SERINC5: variants seen among roughly 807,000 people sequenced by gnomAD.
SERINC5 encodes the protein chromosome 5 open reading frame 12.
A neutral mutation model predicts 63.1 loss-of-function variants in SERINC5; 41 were observed. The observed-to-expected ratio is 0.65, with a 90% CI of 0.51 to 0.84. SERINC5 has a LOEUF of 0.84. SERINC5 is among the 40% of genes least tolerant of loss of function. The probability of loss-of-function intolerance (pLI) is 0.00; values close to 1 mark genes in which losing one functional copy is unlikely to be tolerated. For synonymous variants in SERINC5, 222 were observed against 215.2 expected, an observed-to-expected ratio of 1.03 and a Z score of -0.28; for missense variants, 523 against 573.0, an observed-to-expected ratio of 0.91 and a Z score of 0.89.
At chr5:80,171,431 C>T (rs1747649414) in intron 5 of SERINC5, among the ~76,000 whole-genome samples, 1 of 152,116 alleles carries the variant, frequency 6.6e-6, no homozygotes, top group Non-Finnish European at 1.5e-5. Context: ...TACTGGCTGA[C>T]CTTAGCTCTT....
At chr5:80,201,899 A>G (rs1174334779) in intron 2 of SERINC5, among the ~76,000 whole-genome samples, 1 of 152,156 alleles carries the variant, frequency 6.6e-6, no homozygotes, top group East Asian at 1.9e-4. Flanking sequence ...GCTTTATTAT[A>G]CTTCCTATGT....
At chr5:80,162,587 C>T (rs563845970) in intron 7 of SERINC5, among the ~76,000 whole-genome samples, 4 of 152,180 alleles carry the variant, frequency 2.6e-5, no homozygotes, top group South Asian at 2.1e-4. Context: ...TTGCTCAGGC[C>T]GGCCTCAAAT....
rs1174325559 is a variant in SERINC5, at chr5:80,229,050, T to TGGGGGAGGGG, written c.28-25998_28-25997insCCCCTCCCCC. 2.1e-5 allele frequency among the ~76,000 whole-genome samples: 2 copies of TGGGGGAGGGG among 94,104 alleles called. 1 individual carries two copies. The highest frequency in any genetic ancestry group is 6.9e-4 in the East Asian group (2 of 2,910). 61.7% of individuals were successfully genotyped at this position (94,104 alleles called of 152,430 possible). A position where few individuals can be genotyped will look rare whatever the true frequency, so the allele number is the denominator to read the frequency against. ...TTTTTTTTTTTTTTTTTTTTTTTTT[T>TGGGGGAGGGG]GGGGATGGAGTTGCCTAGGCTGGAG... is the stretch of plus-strand genomic sequence containing the variant. On this transcript the variant is annotated intron_variant, in intron 1 of 11. Transcript: ENST00000507668.
At chr5:80,177,822 C>A (rs1248660410) in intron 3 of SERINC5, 64 bp downstream of exon 3, 2 of 1,291,056 alleles carry the variant, frequency 1.5e-6, no homozygotes, top group Non-Finnish European at 2.1e-6. Flanking sequence ...CAGATGGGAT[C>A]CTGGACTACT....
intron 8 of SERINC5, among the ~76,000 whole-genome samples, chr5:80,155,113 T>C (rs933096936): frequency 1.3e-5 from 2 of 152,250 alleles, no homozygotes; most frequent in African/African-American, 4.8e-5. Context: ...AACTCTGGGA[T>C]CCTGTCCAGG....
In SERINC5 at chr5:80,225,774, A is replaced by G. The variant is rs1047360201; in HGVS notation, c.28-22721T>C. Among the ~76,000 whole-genome samples, 6 of 152,194 alleles carry G rather than the reference A, an allele frequency of 3.9e-5. No homozygotes were observed. In the East Asian group the frequency reaches 9.6e-4, roughly 24 times the overall value. On this transcript the variant is annotated intron_variant, in intron 1 of 11. Coordinates refer to ENST00000507668, the MANE Select transcript of SERINC5 (RefSeq NM_001174072.3). ...ACGCAAGGGCAGAGAACAAAGCCCT[A>G]AAGACGGAACAAAGCCCCACAGCCC...
chr5:80,166,554 TC>T (rs1747316403), intron 6 of SERINC5, 76 bp from the exon 7 acceptor site: 1 of 895,680 alleles, frequency 1.1e-6, no homozygotes, highest in Non-Finnish European at 1.8e-6. Flanking sequence ...AACCTGATAG[TC>T]CCCATGACAG....
At chr5:80,220,156 C>G (rs1281989226) in intron 1 of SERINC5, among the ~76,000 whole-genome samples, 1 of 151,950 alleles carries the variant, frequency 6.6e-6, no homozygotes, top group Non-Finnish European at 1.5e-5. Flanking sequence ...TGCAGTGAGC[C>G]CAGACAGCGC....
intron 1 of SERINC5, among the ~76,000 whole-genome samples, chr5:80,203,435 A>G (rs1749983975): frequency 3.3e-5 from 5 of 151,644 alleles, no homozygotes; most frequent in Admixed American, 3.3e-4. Context: ...GCTGTGGGAG[A>G]TCAAGGTAAG....
intron 1 of SERINC5, among the ~76,000 whole-genome samples, chr5:80,208,163 T>C (rs1239519000): frequency 6.6e-6 from 1 of 151,986 alleles, no homozygotes; most frequent in Non-Finnish European, 1.5e-5. Flanking sequence ...CAAATAAATA[T>C]AGAATATACA....
chr5:80,132,897 A>G (rs2112259829), intron 11 of SERINC5, among the ~76,000 whole-genome samples: 1 of 152,346 alleles, frequency 6.6e-6, no homozygotes, highest in African/African-American at 2.4e-5. Context: ...AGTAACACAT[A>G]GAAGACTGAA....
At chr5:80,149,003 G>A (rs73125963) in intron 9 of SERINC5, among the ~76,000 whole-genome samples, 7,225 of 152,200 alleles carry the variant, frequency 0.047, 590 homozygotes, top group African/African-American at 0.17. Context: ...TTATTTTGAA[G>A]TTCAAGTTAC....
chr5:80,189,245 A>T (rs1749031582), intron 2 of SERINC5, among the ~76,000 whole-genome samples: 1 of 152,140 alleles, frequency 6.6e-6, no homozygotes, highest in Non-Finnish European at 1.5e-5. Flanking sequence ...GGAGGAGTGG[A>T]GGTGCCGGCA....
At chr5:80,135,450 G>A (rs904518555), downstream of SERINC5, among the ~76,000 whole-genome samples, 5 of 152,130 alleles carry the variant, frequency 3.3e-5, no homozygotes, top group East Asian at 1.9e-4. Context: ...TGGGTGCAGG[G>A]ACCCAAGAAC....
Position 80,113,607 on chromosome 5 carries a change from C to T in SERINC5, c.1257G>A (p.Leu419=), listed in dbSNP as rs536295821. Residue 419 remains leucine (L), a synonymous_variant, in exon 12 of 13, where the codon CTG becomes CTA. Transcript: ENST00000509193. The stretch of plus-strand genomic sequence containing the variant: ...GGCTGGGGAGGCCTCAGAATCATGG[C>T]AGGAGGTGAAAGGCACTTCTTACAT... The T allele has an allele frequency of 4.0e-4, 115 of 287,670 alleles. No individual in the cohort carries two copies. Among genetic ancestry groups the T allele is most frequent in the Non-Finnish European group, 5.8e-4 (82 of 142,082 alleles). The allele number at this position is 287,670 out of a possible 1,614,324, so 17.8% of individuals were successfully genotyped here. A position where few individuals can be genotyped will look rare whatever the true frequency, so the allele number is the denominator to read the frequency against.
intron 1 of SERINC5, among the ~76,000 whole-genome samples, chr5:80,245,919 A>G (rs933866510): frequency 1.3e-5 from 2 of 149,982 alleles, no homozygotes; most frequent in African/African-American, 4.9e-5. Flanking sequence ...CTGGCCCCAG[A>G]GAATATTTAT....
chr5:80,221,829 A>G (rs2112540039), intron 1 of SERINC5, among the ~76,000 whole-genome samples: 1 of 152,084 alleles, frequency 6.6e-6, no homozygotes, highest in South Asian at 2.1e-4. Flanking sequence ...AAAAGAAAAT[A>G]AATACTATAA....
intron 1 of SERINC5, among the ~76,000 whole-genome samples, chr5:80,226,678 C>G (rs4704644): frequency 6.6e-6 from 1 of 151,888 alleles, no homozygotes; most frequent in African/African-American, 2.4e-5. Flanking sequence ...ACCACCGTTC[C>G]GAAAGCCATT....
At chr5:80,216,990 AAC>A (rs957479114) in intron 1 of SERINC5, among the ~76,000 whole-genome samples, 1 of 152,198 alleles carries the variant, frequency 6.6e-6, no homozygotes, top group Admixed American at 6.5e-5. Context: ...CAGCCTGGGC[AAC>A]AGAGTGAGAC....
Sources: allele counts gnomAD v4.1 joint callset (sites outside exome capture counted in the v4.1 genomes callset), GRCh38; gene constraint gnomAD v4.1.1; transcripts MANE v1.5; gene names NCBI Gene and HGNC (gene_info 2026-07-23, HGNC 2026-07-21).